POLR1C: variants seen among roughly 807,000 people sequenced by gnomAD.
POLR1C encodes the protein DNA-directed RNA polymerases I and III subunit RPAC1.
POLR1C carries 42 observed loss-of-function variants against 38.3 expected under a neutral mutation model. That is an observed-to-expected ratio of 1.10 (90% CI 0.86 to 1.42). POLR1C has a LOEUF of 1.42. Ranked by LOEUF, POLR1C falls within the 40% of genes most tolerant of loss-of-function variation. The pLI is 0.00. For missense variants in POLR1C, 507 were observed against 450.5 expected (o/e 1.13, Z -1.14); for synonymous variants, 163 against 163.9 (o/e 0.99, Z 0.04).
intron 9 of POLR1C, chr6:43,546,435 C>T (rs572314226): frequency 6.5e-5 from 53 of 816,728 alleles, no homozygotes; most frequent in Non-Finnish European, 8.0e-5. Flanking sequence ...ACTGAGACAC[C>T]CTCTAGAAAG....
intron 9 of POLR1C, chr6:43,548,196 C>T (rs1398107215): frequency 2.0e-6 from 3 of 1,480,150 alleles, no homozygotes; most frequent in Non-Finnish European, 2.7e-6. Context: ...CCACCCTGGG[C>T]CTAGCTCTTA....
chr6:43,550,091 C>T (rs1795156586), intron 9 of POLR1C, among the ~76,000 whole-genome samples: 1 of 152,170 alleles, frequency 6.6e-6, no homozygotes. Context: ...CTTATTCATA[C>T]TGTCCATTTT....
At chr6:43,562,390 G>C (rs1227676313) in exon 11 of POLR1C, 1 of 1,413,448 alleles carries the variant, frequency 7.1e-7, no homozygotes, top group Non-Finnish European at 9.8e-7. Flanking sequence ...AATTAAAAAG[G>C]CTGTAATAAA....
chr6:43,520,949 G>C lies in POLR1C; in HGVS notation c.823G>C (p.Val275Leu), dbSNP rs535176929. 2 of 1,614,174 alleles carry C rather than the reference G, an allele frequency of 1.2e-6. No individual in the cohort carries two copies. The highest frequency in any genetic ancestry group is 2.7e-5 in the African/African-American group (2 of 75,040). Residue 275 changes from valine to leucine, a missense_variant, in exon 8 of 9, where the codon GTT becomes CTT. Transcript: ENST00000642195. ...QEVQGKKVAR[V>L]ANPRLDTFSR... ...CTCATTAGGTAAAAAGGTGGCCAGAGTTGCCAACCCCCGGCTGGATACCTT... is the reference window on the plus strand; with the variant it reads ...CTCATTAGGTAAAAAGGTGGCCAGACTTGCCAACCCCCGGCTGGATACCTT...
intron 10 of POLR1C, among the ~76,000 whole-genome samples, chr6:43,554,070 A>C (rs998945405): frequency 1.3e-5 from 2 of 152,180 alleles, no homozygotes; most frequent in Non-Finnish European, 2.9e-5. Context: ...ACAGCACTCA[A>C]ATAGCAAGGC....
At position 43,521,070 on chromosome 6, in the gene POLR1C, G is replaced by A. The variant is rs770534885; in HGVS notation, c.922+22G>A. On this transcript the variant is annotated intron_variant, in intron 8 of 8. Coordinates refer to ENST00000642195, the MANE Select transcript of POLR1C (RefSeq NM_203290.4). ...ATCTGTGAGTATGAAGTGGTGAGAT[G>A]AGTGGGCAGTGCTCTTTGGTGCTGC... 3 of 1,602,278 alleles carry A rather than the reference G, an allele frequency of 1.9e-6. No homozygotes were observed. The Admixed American group carries it at 5.0e-5, about 27-fold the overall frequency.
At chr6:43,542,684 C>T (rs1024210725) in intron 9 of POLR1C, among the ~76,000 whole-genome samples, 113 of 152,224 alleles carry the variant, frequency 7.4e-4, no homozygotes, top group African/African-American at 2.3e-3. Context: ...CTTCGGCCTC[C>T]CAAAGTGCTT....
intron 10 of POLR1C, chr6:43,551,183 TA>T: frequency 8.8e-7 from 1 of 1,136,108 alleles, no homozygotes. Context: ...TTGAGACTAG[TA>T]ATTTGAGTCC....
Position 43,553,350 on chromosome 6 carries a change from C to A in POLR1C, c.*48+2339C>A. 3 of 1,598,708 alleles carry A rather than the reference C, an allele frequency of 1.9e-6. No homozygotes were observed. In the South Asian group the frequency reaches 3.4e-5, roughly 18 times the overall value. On this transcript the variant is annotated intron_variant, in intron 10 of 10. Transcript: ENST00000607635. ...AAAAAGGTCAAAATAATCATGCAGT[C>A]AGCATGGGAAATAATTACTTACTTC...
At chr6:43,538,139 C>CTTTTTTTTTTTTTTTTTTTTTTTTTTT (rs1160662301) in intron 9 of POLR1C, among the ~76,000 whole-genome samples, 1 of 48,920 alleles carries the variant, frequency 2.0e-5, no homozygotes, top group African/African-American at 8.3e-5. Flanking sequence ...TAAGAGACAT[C>CTTTTTTTTTTTTTTTTTTTTTTTTTTT]TTTTTTTTTT....
Position 43,521,247 on chromosome 6 carries a change from A to T in POLR1C, c.988A>T (p.Met330Leu). The T allele has an allele frequency of 1.2e-5, 20 of 1,613,506 alleles. No individual in the cohort carries two copies. The highest frequency in any genetic ancestry group is 1.7e-5 in the Non-Finnish European group (20 of 1,180,018). Residue 330 changes from methionine to leucine, a missense_variant, in exon 9 of 9, where the codon ATG (methionine) becomes TTG (leucine). Physicochemically the swap from Met to Leu is conservative, Grantham distance 15. Transcript: ENST00000642195. Reference protein sequence around the residue: ...VLVSEAIKVLMGKCRRFLDEL... With the variant: ...VLVSEAIKVLLGKCRRFLDEL... ...GGTGAGTGAAGCCATCAAAGTACTG[A>T]TGGGGAAGTGCCGGCGCTTCTTGGA...
intron 9 of POLR1C, chr6:43,547,826 G>A: frequency 1.9e-5 from 14 of 731,184 alleles, no homozygotes; most frequent in Non-Finnish European, 3.2e-5. Context: ...ATAGTGAGAG[G>A]AGTATAATCA....
At chr6:43,528,350 A>T (rs531104870) in intron 8 of POLR1C, 1 of 753,952 alleles carries the variant, frequency 1.3e-6, no homozygotes, top group African/African-American at 1.8e-5. Flanking sequence ...CCACACCACA[A>T]GGTTAAAAAA....
downstream of POLR1C, among the ~76,000 whole-genome samples, chr6:43,531,736 TAGG>T (rs1182614976): frequency 1.3e-5 from 2 of 152,056 alleles, no homozygotes; most frequent in African/African-American, 4.8e-5. Flanking sequence ...ACTCTTTTGG[TAGG>T]AGAAGGTGAA....
chr6:43,527,856 G>A, intron 8 of POLR1C: 1 of 972,940 alleles, frequency 1.0e-6, no homozygotes, highest in Non-Finnish European at 1.5e-6. Context: ...TTATGCAAAA[G>A]TTGGGAATGG....
chr6:43,536,062 C>T (rs1316302468), intron 9 of POLR1C, among the ~76,000 whole-genome samples: 2 of 150,960 alleles, frequency 1.3e-5, no homozygotes, highest in African/African-American at 4.9e-5. Context: ...GAGCCAAGAT[C>T]GTGCCACTGC....
At chr6:43,548,110 T>C (rs1795052984) in intron 9 of POLR1C, 2 of 803,716 alleles carry the variant, frequency 2.5e-6, no homozygotes, top group Non-Finnish European at 1.9e-6. Flanking sequence ...AGAGATTAAA[T>C]TACAAAAGAC....
chr6:43,543,821 C>T (rs1315829933), intron 9 of POLR1C, among the ~76,000 whole-genome samples: 10 of 151,976 alleles, frequency 6.6e-5, no homozygotes, highest in Non-Finnish European at 1.3e-4. Flanking sequence ...GGATTACAGG[C>T]GCCCGCCACC....
chr6:43,525,622 C>A, downstream of POLR1C: 1 of 573,130 alleles, frequency 1.7e-6, no homozygotes, highest in Non-Finnish European at 3.1e-6. Flanking sequence ...AGTGTGCCTA[C>A]TATGTGTTTT....
Sources: gnomAD v4.1 joint callset for allele counts (sites outside exome capture counted in the v4.1 genomes callset) on GRCh38, gnomAD v4.1.1 for gene constraint, MANE v1.5 for transcripts, NCBI Gene and HGNC (gene_info 2026-07-23, HGNC 2026-07-21) for gene names.